The following VPS13C variants were observed in gnomAD, a reference collection of about 807,000 sequenced individuals.
VPS13C encodes intermembrane lipid transfer protein VPS13C.
Under a neutral mutation model 456.8 loss-of-function variants are expected in VPS13C, and 358 were observed. The observed-to-expected ratio is 0.78, with a 90% CI of 0.72 to 0.86. VPS13C has a LOEUF of 0.86. Among genes scored for constraint, VPS13C ranks in the 40% least tolerant of loss-of-function variants. VPS13C has a pLI of 0.00. For synonymous variants in VPS13C, 1,578 were observed against 1,486.7 expected (o/e 1.06, Z -1.41); for missense variants, 4,818 against 4,385.4 (o/e 1.10, Z -2.79).
At chr15:62,006,313 T>G (rs1250754765) in intron 15 of VPS13C, among the ~76,000 whole-genome samples, 1 of 152,050 alleles carries the variant, frequency 6.6e-6, no homozygotes, top group Non-Finnish European at 1.5e-5. Context: ...GTCCATGTGT[T>G]CTCATTGTTC....
At chr15:61,879,364 C>G (rs1895691575) in intron 73 of VPS13C, 1 of 151,878 alleles carries the variant, frequency 6.6e-6, no homozygotes, top group African/African-American at 2.4e-5. Flanking sequence ...ATTAACTAAC[C>G]AATATAGAGT....
intron 74 of VPS13C, among the ~76,000 whole-genome samples, chr15:61,878,395 C>A (rs184155942): frequency 0.019 from 2,873 of 150,050 alleles, 59 homozygotes; most frequent in East Asian, 0.07. Context: ...TATGAGTAAT[C>A]AAAAAAAACA....
chr15:61,861,277 T>C (rs553652404), intron 82 of VPS13C, among the ~76,000 whole-genome samples: 2 of 152,274 alleles, frequency 1.3e-5, no homozygotes, highest in East Asian at 3.9e-4. Flanking sequence ...TTTCATCTCC[T>C]TATTTTCAAT....
Position 61,964,761 on chromosome 15 carries a change from C to T in VPS13C, c.3152G>A (p.Ser1051Asn). The change falls in exon 31 of 85, where the codon AGT becomes AAT. Residue 1051 changes from serine (S) to asparagine (N), a missense_variant. This residue lies in a region of VPS13C where 4,552 missense variants were observed against 4,130.6 expected (regional missense o/e 1.10). Transcript: ENST00000644861. ...TGAAATTTGTACCTCCTTAGCAACA[C>T]TTATGCTTTGATCATCAGATGGAAT... ...TIIPSDDQSI[S>N]VAKEVQISTE... is the part of the protein sequence containing the mutation. 1.9e-6 allele frequency: 3 copies of T among 1,612,540 alleles called. No homozygotes were observed. Among genetic ancestry groups the T allele is most frequent in the South Asian group, 1.1e-5 (1 of 90,898 alleles).
At chr15:62,001,365 C>G (rs548409596) in intron 15 of VPS13C, among the ~76,000 whole-genome samples, 2 of 152,154 alleles carry the variant, frequency 1.3e-5, no homozygotes, top group African/African-American at 4.8e-5. Flanking sequence ...TTGTGATATA[C>G]TTCAGAAAAA....
intron 5 of VPS13C, 65 bp from the exon 6 acceptor site, chr15:62,028,485 T>C (rs896891074): frequency 2.4e-5 from 35 of 1,458,778 alleles, no homozygotes; most frequent in Non-Finnish European, 3.0e-5. Flanking sequence ...TAATTTCACA[T>C]GTAAAATATA....
chr15:62,008,609 T>A (rs1280947511), intron 14 of VPS13C, 46 bp downstream of exon 14: 2 of 1,370,276 alleles, frequency 1.5e-6, no homozygotes. Flanking sequence ...TAACTAAATA[T>A]ATGATTATAT....
chr15:62,001,422 G>C (rs1191411957), intron 15 of VPS13C, among the ~76,000 whole-genome samples: 1 of 152,144 alleles, frequency 6.6e-6, no homozygotes. Context: ...GCTAGAAATA[G>C]TTCTATAACT....
chr15:62,020,343 A>G, intron 9 of VPS13C, 136 bp downstream of exon 9: 1 of 621,476 alleles, frequency 1.6e-6, no homozygotes, highest in Non-Finnish European at 2.5e-6. Flanking sequence ...AAACTTCTAG[A>G]AAAGTTGTTT....
chr15:61,952,753 C>T (rs2044844938), intron 38 of VPS13C, among the ~76,000 whole-genome samples: 1 of 152,144 alleles, frequency 6.6e-6, no homozygotes, highest in South Asian at 2.1e-4. Context: ...GGGTCTTGCT[C>T]TGTCACCCAG....
chr15:61,865,718 A>G (rs1199401973), intron 81 of VPS13C: 11 of 439,422 alleles, frequency 2.5e-5, no homozygotes, highest in African/African-American at 9.3e-5. Flanking sequence ...GTATGTGTGT[A>G]TATATGTGTT....
intron 1 of VPS13C, among the ~76,000 whole-genome samples, chr15:62,057,212 A>C (rs1042593335): frequency 6.0e-5 from 9 of 150,378 alleles, no homozygotes; most frequent in Non-Finnish European, 1.3e-4. Flanking sequence ...CAACAACAAC[A>C]AAAAAAAAAC....
intron 64 of VPS13C, among the ~76,000 whole-genome samples, chr15:61,909,397 T>C (rs1047197692): frequency 2.0e-5 from 3 of 152,134 alleles, no homozygotes; most frequent in African/African-American, 7.2e-5. Context: ...TTAATAGAGA[T>C]GGGGTTTCAC....
At chr15:61,907,420 G>C (rs1375359634) in intron 65 of VPS13C, 30 bp from the exon 66 acceptor site, 1 of 1,608,250 alleles carries the variant, frequency 6.2e-7, no homozygotes, top group South Asian at 1.1e-5. Context: ...GAGAAAATCA[G>C]AATATCTTGG....
intron 22 of VPS13C, among the ~76,000 whole-genome samples, chr15:61,978,999 G>A (rs1018183619): frequency 1.3e-5 from 2 of 152,068 alleles, no homozygotes; most frequent in Non-Finnish European, 2.9e-5. Context: ...TGTCTGCCTC[G>A]AATAACTTGT....
rs377725321 is a variant in VPS13C at position 61,894,686 on chromosome 15, A to G, written c.9106-4286T>C. On this transcript the variant is annotated intron_variant, in intron 66 of 84. Transcript: ENST00000644861. The stretch of plus-strand genomic sequence containing the variant: ...AAAGAGGTCAATTCAGAAAGAGGAT[A>G]TAACAGTTGTAAATATATGTACCCA... 6.6e-5 allele frequency among the ~76,000 whole-genome samples: 10 copies of G among 152,334 alleles called. No individual in the cohort carries two copies. The East Asian group carries it at 1.7e-3, about 26-fold the overall frequency.
chr15:62,006,590 C>G (rs1171581303), intron 15 of VPS13C, among the ~76,000 whole-genome samples: 2 of 152,126 alleles, frequency 1.3e-5, no homozygotes, highest in Admixed American at 1.3e-4. Context: ...TTTATAGCAG[C>G]GTGATTTATA....
chr15:62,049,877 G>T (rs1286912977), intron 1 of VPS13C, among the ~76,000 whole-genome samples: 1 of 152,078 alleles, frequency 6.6e-6, no homozygotes, highest in Non-Finnish European at 1.5e-5. Flanking sequence ...ATGAATGGGA[G>T]TTCACTCATG....
chr15:61,927,301 A>G lies in VPS13C; in HGVS notation c.6306T>C (p.Asn2102=). 1 of 1,614,110 alleles carries G rather than the reference A, an allele frequency of 6.2e-7. No individual in the cohort carries two copies. Among genetic ancestry groups the G allele is most frequent in the Non-Finnish European group, 8.5e-7 (1 of 1,179,980 alleles). The change falls in exon 52 of 85, where the codon AAT becomes AAC. Residue 2102 remains asparagine (N), a synonymous_variant. Coordinates refer to ENST00000644861, the MANE Select transcript of VPS13C (RefSeq NM_020821.3). ...CTGTGATCATGGCCTTTAAAGTCATATTTGGTCTAACAGAGTCATCTGAAG... is the reference window on the plus strand; with the variant it reads ...CTGTGATCATGGCCTTTAAAGTCATGTTTGGTCTAACAGAGTCATCTGAAG... ...KIEKDDSVRP[N]MTLKAMITDP... is the part of the protein sequence containing the mutation.
Sources: allele counts gnomAD v4.1 joint callset (sites outside exome capture counted in the v4.1 genomes callset), GRCh38; gene constraint gnomAD v4.1.1; regional missense constraint gnomAD v4.1.1; transcripts MANE v1.5; gene names NCBI Gene and HGNC (gene_info 2026-07-23, HGNC 2026-07-21).